The following TAFA1 variants were observed in gnomAD, a reference collection of about 807,000 sequenced individuals.
TAFA1 encodes the protein chemokine-like protein TAFA-1.
Under a neutral mutation model 18.5 loss-of-function variants are expected in TAFA1, and 4 were observed. The ratio of observed to expected loss-of-function variants is 0.22; its 90% confidence interval spans 0.11 to 0.49. The LOEUF (loss-of-function observed/expected upper bound fraction) is 0.49, where lower values mean the gene tolerates loss of function less well. Among genes scored for constraint, TAFA1 ranks in the 20% least tolerant of loss-of-function variants. The probability of loss-of-function intolerance (pLI) is 0.98; values close to 1 mark genes in which losing one functional copy is unlikely to be tolerated. For missense variants in TAFA1, 147 were observed against 169.0 expected (o/e 0.87, Z 0.72); for synonymous variants, 56 against 55.2 (o/e 1.01, Z -0.06).
At chr3:68,180,413 G>A (rs1429150936) in intron 2 of TAFA1, among the ~76,000 whole-genome samples, 1 of 152,106 alleles carries the variant, frequency 6.6e-6, no homozygotes, top group Non-Finnish European at 1.5e-5. Context: ...AGAGGAGCTA[G>A]ATAGCTAGTA....
intron 1 of TAFA1, among the ~76,000 whole-genome samples, chr3:68,005,784 G>A (rs1419036100): frequency 2.0e-5 from 3 of 152,198 alleles, no homozygotes; most frequent in Admixed American, 6.5e-5. Flanking sequence ...TGCAGCATAA[G>A]GTGTTGTTTG....
At chr3:68,318,611 T>A (rs2068644725) in intron 2 of TAFA1, among the ~76,000 whole-genome samples, 1 of 152,242 alleles carries the variant, frequency 6.6e-6, no homozygotes, top group South Asian at 2.1e-4. Flanking sequence ...GATTTCTTGT[T>A]ATGTTTTTCT....
intron 2 of TAFA1, among the ~76,000 whole-genome samples, chr3:68,412,844 C>T (rs967258359): frequency 2.1e-4 from 32 of 152,182 alleles, no homozygotes; most frequent in African/African-American, 7.7e-4. Flanking sequence ...CATACGTGTG[C>T]ATGTGTCTTT....
intron 2 of TAFA1, among the ~76,000 whole-genome samples, chr3:68,252,924 G>A (rs1309868623): frequency 6.6e-6 from 1 of 152,108 alleles, no homozygotes; most frequent in Non-Finnish European, 1.5e-5. Context: ...AGCTCTGATG[G>A]TTTTATAAAG....
intron 2 of TAFA1, among the ~76,000 whole-genome samples, chr3:68,320,533 C>T (rs1021338921): frequency 4.6e-5 from 7 of 152,044 alleles, no homozygotes; most frequent in East Asian, 1.9e-4. Flanking sequence ...CCTTGGTTCC[C>T]GATCCTGGCA....
intron 3 of TAFA1, among the ~76,000 whole-genome samples, chr3:68,430,334 A>G (rs2071145526): frequency 1.3e-5 from 2 of 151,958 alleles, no homozygotes; most frequent in South Asian, 4.1e-4. Flanking sequence ...AAGTTGAGAG[A>G]AAGCCATGGT....
intron 2 of TAFA1, among the ~76,000 whole-genome samples, chr3:68,018,168 C>A (rs559768241): frequency 6.6e-6 from 1 of 152,174 alleles, no homozygotes; most frequent in Admixed American, 6.5e-5. Flanking sequence ...AATCTCAAGG[C>A]TGCCTTATCA....
intron 2 of TAFA1, among the ~76,000 whole-genome samples, chr3:68,189,144 C>T (rs1483925311): frequency 6.6e-6 from 1 of 151,884 alleles, no homozygotes; most frequent in Non-Finnish European, 1.5e-5. Flanking sequence ...TGTTCATCAT[C>T]GTATTCCCAT....
At chr3:68,216,941 A>G (rs1172473214) in intron 2 of TAFA1, among the ~76,000 whole-genome samples, 1 of 152,092 alleles carries the variant, frequency 6.6e-6, no homozygotes, top group Non-Finnish European at 1.5e-5. Flanking sequence ...AATGGAGGAG[A>G]AAAGACAAAT....
chr3:68,486,446 T>C (rs970862726), intron 3 of TAFA1, among the ~76,000 whole-genome samples: 2 of 152,150 alleles, frequency 1.3e-5, no homozygotes, highest in African/African-American at 4.8e-5. Context: ...ACCTGATCTG[T>C]ACCATGCCTC....
At chr3:68,340,297 G>A (rs1416436532) in intron 2 of TAFA1, among the ~76,000 whole-genome samples, 2 of 152,184 alleles carry the variant, frequency 1.3e-5, no homozygotes, top group African/African-American at 4.8e-5. Context: ...TGGACCAAAA[G>A]GCATCTCCTT....
At chr3:68,152,420 G>C (rs1458916984) in intron 2 of TAFA1, among the ~76,000 whole-genome samples, 3 of 152,118 alleles carry the variant, frequency 2.0e-5, no homozygotes, top group African/African-American at 7.2e-5. Context: ...TAAACACAGT[G>C]ATAGTGCTGT....
intron 2 of TAFA1, among the ~76,000 whole-genome samples, chr3:68,412,739 G>A (rs1424801742): frequency 2.6e-5 from 4 of 152,132 alleles, no homozygotes; most frequent in African/African-American, 4.8e-5. Context: ...GTATTCCATG[G>A]TGTATATGTG....
intron 3 of TAFA1, among the ~76,000 whole-genome samples, chr3:68,454,583 C>T (rs1559676526): frequency 6.6e-6 from 1 of 152,174 alleles, no homozygotes; most frequent in Admixed American, 6.5e-5. Flanking sequence ...CATTTGGACA[C>T]TATGTAAGGA....
intron 2 of TAFA1, among the ~76,000 whole-genome samples, chr3:68,220,771 A>G (rs1042288711): frequency 1.3e-5 from 2 of 152,154 alleles, no homozygotes; most frequent in African/African-American, 2.4e-5. Flanking sequence ...TTCACTGAGT[A>G]ATATTCCTTC....
At chr3:68,309,738 G>T (rs2068482899) in intron 2 of TAFA1, among the ~76,000 whole-genome samples, 1 of 152,220 alleles carries the variant, frequency 6.6e-6, no homozygotes, top group South Asian at 2.1e-4. Flanking sequence ...GGCCCACAGA[G>T]TTGAACAGAT....
chr3:68,396,325 A>G (rs1575832071), intron 2 of TAFA1, among the ~76,000 whole-genome samples: 2 of 152,184 alleles, frequency 1.3e-5, no homozygotes, highest in African/African-American at 2.4e-5. Flanking sequence ...CATAACTCAC[A>G]TCAAGAGCTA....
intron 2 of TAFA1, among the ~76,000 whole-genome samples, chr3:68,026,199 C>A (rs1704811214): frequency 6.6e-6 from 1 of 151,866 alleles, no homozygotes; most frequent in African/African-American, 2.4e-5. Flanking sequence ...GTCCTCTGAA[C>A]TGCATGACTC....
chr3:68,301,956 G>A (rs1477466656), intron 2 of TAFA1, among the ~76,000 whole-genome samples: 1 of 152,150 alleles, frequency 6.6e-6, no homozygotes, highest in Admixed American at 6.5e-5. Context: ...GTAGTTCATT[G>A]GTAGATTTAT....
Sources: gnomAD v4.1 joint callset for allele counts (sites outside exome capture counted in the v4.1 genomes callset) on GRCh38, gnomAD v4.1.1 for gene constraint, MANE v1.5 for transcripts, NCBI Gene and HGNC (gene_info 2026-07-23, HGNC 2026-07-21) for gene names.